The following CRYZ variants were observed in gnomAD, a reference collection of about 807,000 sequenced individuals.
CRYZ encodes the protein zeta-crystallin.
Under a neutral mutation model 34.1 loss-of-function variants are expected in CRYZ, and 35 were observed. The ratio of observed to expected loss-of-function variants is 1.03; its 90% CI spans 0.78 to 1.36. The LOEUF (loss-of-function observed/expected upper bound fraction) is 1.36. Ranked by LOEUF, CRYZ falls within the 40% of genes most tolerant of loss-of-function variation. The pLI is 0.00. For missense variants in CRYZ, 403 were observed against 391.8 expected (o/e 1.03, Z -0.24); for synonymous variants, 137 against 136.5 (o/e 1.00, Z -0.03).
At chr1:74,712,652 GA>G (rs1647021262) in intron 5 of CRYZ, among the ~76,000 whole-genome samples, 2 of 152,208 alleles carry the variant, frequency 1.3e-5, no homozygotes, top group South Asian at 4.2e-4. Flanking sequence ...GGAGGAGAGA[GA>G]CATCCAATTA....
intron 3 of CRYZ, among the ~76,000 whole-genome samples, chr1:74,721,091 G>T (rs1253194417): frequency 1.3e-5 from 2 of 152,238 alleles, no homozygotes; most frequent in East Asian, 3.9e-4. Context: ...AAACAAAGTT[G>T]GCCAAACGAT....
chr1:74,732,495 A>G (rs1419040609), intron 1 of CRYZ, among the ~76,000 whole-genome samples: 3 of 151,474 alleles, frequency 2.0e-5, no homozygotes, highest in Non-Finnish European at 2.9e-5. Context: ...TACAGCTGAG[A>G]GCTGGGCTGT....
chr1:74,731,375 A>C (rs943747325), intron 1 of CRYZ, among the ~76,000 whole-genome samples: 9 of 152,376 alleles, frequency 5.9e-5, no homozygotes, highest in Admixed American at 2.0e-4. Context: ...TTAAATAAGA[A>C]TTCTGGCAAG....
At chr1:74,714,771 A>C (rs1298709582) in intron 4 of CRYZ, 141 bp from the exon 5 acceptor site, 1 of 701,188 alleles carries the variant, frequency 1.4e-6, no homozygotes, top group Non-Finnish European at 2.5e-6. Flanking sequence ...ATACAGCCCC[A>C]AATATTCCCT....
chr1:74,714,628 G>A lies in CRYZ; in HGVS notation c.431C>T (p.Ala144Val), dbSNP rs758759996. ...FTAYRALIHS[A>V]CVKAGESVLV... is the part of the protein sequence containing the mutation. Reference sequence around the variant, plus strand: ...AACACTCTCTCCAGCTTTCACACAGGCACTGCAAAGGAAAGCATAAGTTAC... The same window carrying A: ...AACACTCTCTCCAGCTTTCACACAGACACTGCAAAGGAAAGCATAAGTTAC... Residue 144 changes from alanine to valine, a missense_variant and splice_region_variant, in exon 5 of 9, where the codon GCC becomes GTC. Ala to Val is a moderately conservative substitution (Grantham distance 64). Transcript: ENST00000340866. 6.2e-7 allele frequency: 1 copy of A among 1,613,238 alleles called. No individual in the cohort carries two copies.
At position 74,710,107 on chromosome 1, in the gene CRYZ, A is replaced by T. The variant is rs769738367; in HGVS notation, c.621T>A (p.Asp207Glu). The T allele has an allele frequency of 1.2e-5, 19 of 1,611,964 alleles. No homozygotes were observed. Among genetic ancestry groups the T allele is most frequent in the Non-Finnish European group, 1.4e-5 (17 of 1,179,064 alleles). ...CAGTGGAAAATTTTACCTTAATTTT[A>T]TCAATGTAATTCACTTCTCTGTGAT... is the stretch of plus-strand genomic sequence containing the variant. ...VFNHREVNYIDKIKKYVGEKG... is the reference protein window; with the variant it reads ...VFNHREVNYIEKIKKYVGEKG... Residue 207 changes from aspartate (D) to glutamate (E), a missense_variant, in exon 6 of 9, where the codon GAT becomes GAA. By Grantham distance (45) the Asp-to-Glu change is conservative (BLOSUM62 2). Coordinates refer to ENST00000340866, the MANE Select transcript of CRYZ (RefSeq NM_001889.4).
chr1:74,723,619 G>A (rs1294853470), intron 2 of CRYZ, among the ~76,000 whole-genome samples: 4 of 152,172 alleles, frequency 2.6e-5, no homozygotes, highest in Non-Finnish European at 1.5e-5. Flanking sequence ...GAGTAGCCAA[G>A]TAACTGAGTT....
At chr1:74,727,223 C>CTTTTTTCTTTTTTTTTTTTTTATT (rs1374660705) in intron 1 of CRYZ, among the ~76,000 whole-genome samples, 1 of 138,786 alleles carries the variant, frequency 7.2e-6, no homozygotes, top group Non-Finnish European at 1.7e-5. Context: ...AGTTCATTTT[C>CTTTTTTCTTTTTTTTTTTTTTATT]ATATGGCTAT....
intron 4 of CRYZ, among the ~76,000 whole-genome samples, chr1:74,718,496 T>A (rs1055257336): frequency 6.6e-6 from 1 of 152,166 alleles, no homozygotes; most frequent in African/African-American, 2.4e-5. Flanking sequence ...ACAGCTAACA[T>A]TTATTGAGAG....
intron 6 of CRYZ, chr1:74,707,851 TCAAAA>T (rs1013140749): frequency 1.3e-5 from 2 of 151,804 alleles, no homozygotes; most frequent in African/African-American, 4.8e-5. Context: ...CATAGGGAGC[TCAAAA>T]CAAAACTAGT....
At chr1:74,722,226 A>G (rs1435761421) in intron 3 of CRYZ, among the ~76,000 whole-genome samples, 3 of 152,168 alleles carry the variant, frequency 2.0e-5, no homozygotes, top group African/African-American at 7.2e-5. Context: ...GGAGAGGAGA[A>G]CAGAAGAAAA....
At chr1:74,731,183 T>C (rs957884193) in intron 1 of CRYZ, among the ~76,000 whole-genome samples, 2 of 152,190 alleles carry the variant, frequency 1.3e-5, no homozygotes, top group Admixed American at 1.3e-4. Context: ...ATCTAGGAAA[T>C]AGAAAATCTA....
At chr1:74,721,598 G>C (rs1314513713) in intron 3 of CRYZ, among the ~76,000 whole-genome samples, 1 of 152,282 alleles carries the variant, frequency 6.6e-6, no homozygotes, top group Non-Finnish European at 1.5e-5. Flanking sequence ...CAGGTCAGGG[G>C]TATAGTTAAG....
In CRYZ at chr1:74,714,599, C is replaced by T; in HGVS notation, c.460G>A (p.Val154Ile). The T allele has an allele frequency of 6.2e-7, 1 of 1,613,718 alleles. No individual in the cohort carries two copies. Among genetic ancestry groups the T allele is most frequent in the Non-Finnish European group, 8.5e-7 (1 of 1,179,772 alleles). ...ACVKAGESVL[V>I]HGASGGVGLA... ...CTTACTCCTCCACTTGCCCCATGAA[C>T]CAGAACACTCTCTCCAGCTTTCACA... The change falls in exon 5 of 9, where the codon GTT becomes ATT. Residue 154 changes from valine (V) to isoleucine (I), a missense_variant. Coordinates refer to ENST00000340866, the MANE Select transcript of CRYZ (RefSeq NM_001889.4).
intron 5 of CRYZ, 150 bp downstream of exon 5, chr1:74,714,429 G>T: frequency 1.5e-6 from 1 of 650,788 alleles, no homozygotes. Context: ...ATCACCTTCA[G>T]AAGACCAAAA....
chr1:74,722,076 G>A (rs1021577210), intron 3 of CRYZ, among the ~76,000 whole-genome samples: 2 of 152,126 alleles, frequency 1.3e-5, no homozygotes, highest in Non-Finnish European at 2.9e-5. Context: ...GCAACAAAAA[G>A]AGTGTATGAG....
intron 3 of CRYZ, among the ~76,000 whole-genome samples, chr1:74,719,631 G>T (rs1647128576): frequency 6.6e-6 from 1 of 151,758 alleles, no homozygotes; most frequent in Admixed American, 6.6e-5. Flanking sequence ...GAGTAGCTAG[G>T]ATTACAGGCG....
Position 74,723,132 on chromosome 1 carries a change from C to G in CRYZ, c.250G>C (p.Ala84Pro), listed in dbSNP as rs1647193704. Reference protein sequence around the residue: ...AGVIEAVGDNASAFKKGDRVF... With the variant: ...AGVIEAVGDNPSAFKKGDRVF... ...AAATGCAATACCTTGAAAGCAGATGCATTATCTCCAACAGCTTCTATCACC... is the reference window on the plus strand; with the variant it reads ...AAATGCAATACCTTGAAAGCAGATGGATTATCTCCAACAGCTTCTATCACC... The change falls in exon 3 of 9, where the codon GCA becomes CCA. Residue 84 changes from alanine to proline, a missense_variant. By Grantham distance (27) the Ala-to-Pro change is conservative. Transcript: ENST00000340866. The G allele has an allele frequency of 6.2e-7, 1 of 1,610,982 alleles. No homozygotes were observed. The highest frequency in any genetic ancestry group is 1.1e-5 in the South Asian group (1 of 89,918).
In CRYZ at chr1:74,706,901, T is replaced by C. The variant is rs1646936369; in HGVS notation, c.826A>G (p.Lys276Glu). The C allele has an allele frequency of 2.5e-6, 4 of 1,610,592 alleles. No homozygotes were observed. The highest frequency in any genetic ancestry group is 3.4e-6 in the Non-Finnish European group (4 of 1,177,262). Residue 276 changes from lysine (K) to glutamate (E), a missense_variant and splice_region_variant, in exon 8 of 9, where the codon AAG becomes GAG. Lys to Glu is a moderately conservative substitution (Grantham distance 56, BLOSUM62 1). Transcript: ENST00000340866. Reference protein sequence around the residue: ...IIGVTLFSSTKEEFQQYAAAL... With the variant: ...IIGVTLFSSTEEEFQQYAAAL... ...ATCAGAAGTACTTCTTTTCCTACCT[T>C]GGTTGAGGAAAAGAGAGTAACTCCA...
Sources: gnomAD v4.1 joint callset for allele counts (sites outside exome capture counted in the v4.1 genomes callset) on GRCh38, gnomAD v4.1.1 for gene constraint, MANE v1.5 for transcripts, NCBI Gene and HGNC (gene_info 2026-07-23, HGNC 2026-07-21) for gene names.